NRXN3: variants seen among roughly 807,000 people sequenced by gnomAD.
NRXN3 encodes neurexin III.
In NRXN3, 32 loss-of-function variants were observed where a neutral mutation model predicts 137.6. That is an observed-to-expected ratio of 0.23 (90% CI 0.18 to 0.31). The LOEUF (loss-of-function observed/expected upper bound fraction) is 0.31, where lower values mean the gene tolerates loss of function less well. Among genes scored for constraint, NRXN3 ranks in the 10% least tolerant of loss-of-function variants. The pLI is 1.00. For synonymous variants in NRXN3, 798 were observed against 784.5 expected (o/e 1.02, Z -0.29); for missense variants, 1,574 against 2,062.5 (o/e 0.76, Z 4.59).
intron 4 of NRXN3, among the ~76,000 whole-genome samples, chr14:78,527,774 A>T (rs938033264): frequency 6.6e-6 from 1 of 152,212 alleles, no homozygotes; most frequent in Non-Finnish European, 1.5e-5. Context: ...CCTAATAGTG[A>T]CTGTGTTGAT....
chr14:78,839,118 A>C (rs560404532), intron 10 of NRXN3, among the ~76,000 whole-genome samples: 1 of 152,330 alleles, frequency 6.6e-6, no homozygotes, highest in Non-Finnish European at 1.5e-5. Context: ...ACTTGACTTC[A>C]TAAGAGCCAT....
intron 4 of NRXN3, among the ~76,000 whole-genome samples, chr14:78,349,018 T>A (rs1036047887): frequency 6.6e-6 from 1 of 152,188 alleles, no homozygotes; most frequent in Non-Finnish European, 1.5e-5. Flanking sequence ...AAATTAAAAA[T>A]TGTTAGTGAT....
chr14:79,030,227 C>A (rs2099605431), intron 15 of NRXN3, among the ~76,000 whole-genome samples: 1 of 151,628 alleles, frequency 6.6e-6, no homozygotes, highest in East Asian at 1.9e-4. Flanking sequence ...ATAGTAGATG[C>A]CAGTAGTAGC....
At chr14:78,948,608 T>A (rs1287123260) in intron 10 of NRXN3, among the ~76,000 whole-genome samples, 2 of 151,304 alleles carry the variant, frequency 1.3e-5, no homozygotes, top group Non-Finnish European at 2.9e-5. Flanking sequence ...CTCACTTTCA[T>A]TTACAATATA....
chr14:79,352,618 T>A (rs1008850310), intron 15 of NRXN3, among the ~76,000 whole-genome samples: 8 of 152,072 alleles, frequency 5.3e-5, no homozygotes, highest in Non-Finnish European at 1.2e-4. Context: ...TGGAAAGAAG[T>A]TTTAAAACAG....
At chr14:79,857,629 T>A (rs749820202) in intron 20 of NRXN3, among the ~76,000 whole-genome samples, 11 of 152,166 alleles carry the variant, frequency 7.2e-5, no homozygotes, top group Non-Finnish European at 1.3e-4. Context: ...TCATCTGCAA[T>A]CTTAAACATG....
chr14:79,305,974 T>G (rs760780291), intron 15 of NRXN3, among the ~76,000 whole-genome samples: 14 of 152,084 alleles, frequency 9.2e-5, no homozygotes, highest in South Asian at 4.1e-4. Flanking sequence ...TCAAGAACAA[T>G]ATATTTGTTT....
chr14:79,577,925 C>T (rs944832630), intron 16 of NRXN3, among the ~76,000 whole-genome samples: 49 of 152,144 alleles, frequency 3.2e-4, no homozygotes, highest in African/African-American at 1.1e-3. Context: ...AAGTGTCTTT[C>T]CTTACTTGGG....
chr14:79,519,746 G>GAAAATGTGTAC (rs1244223319), intron 16 of NRXN3, among the ~76,000 whole-genome samples: 4 of 146,548 alleles, frequency 2.7e-5, no homozygotes, highest in Admixed American at 2.7e-4. Flanking sequence ...ACTGTGATCA[G>GAAAATGTGTAC]AAAATGTGTA....
In NRXN3 at chr14:79,867,435, G is replaced by C. The variant is rs2099418497; in HGVS notation, c.*5471G>C. The C allele has an allele frequency of 6.6e-6, 1 of 152,184 alleles. No individual in the cohort carries two copies. The highest frequency in any genetic ancestry group is 1.5e-5 in the Non-Finnish European group (1 of 68,030). 9.4% of individuals were successfully genotyped at this position (152,184 alleles called of 1,614,324 possible). On this transcript the variant is annotated 3_prime_UTR_variant, in exon 21 of 21. Transcript: ENST00000335750. ...TCTCTTCCTGGCTTGTAGATAATAA[G>C]CTACCTTCTCACTATGTACTCACAG... is the stretch of plus-strand genomic sequence containing the variant.
At chr14:79,012,767 C>T (rs2099573237) in intron 15 of NRXN3, among the ~76,000 whole-genome samples, 1 of 152,092 alleles carries the variant, frequency 6.6e-6, no homozygotes, top group Admixed American at 6.5e-5. Flanking sequence ...CCTTCTGGAG[C>T]TTTCCATGCG....
At chr14:78,949,752 G>A (rs894501401) in intron 10 of NRXN3, among the ~76,000 whole-genome samples, 1 of 151,952 alleles carries the variant, frequency 6.6e-6, no homozygotes, top group African/African-American at 2.4e-5. Flanking sequence ...AGTAATAGAG[G>A]GAGACAAATG....
At chr14:79,857,489 T>C (rs1180767753) in intron 20 of NRXN3, among the ~76,000 whole-genome samples, 1 of 152,214 alleles carries the variant, frequency 6.6e-6, no homozygotes, top group Non-Finnish European at 1.5e-5. Context: ...CCCAAAGTGC[T>C]GGGATTACAG....
Position 79,805,131 on chromosome 14 carries a change from T to C in NRXN3, c.4034T>C (p.Val1345Ala). 2 of 1,612,840 alleles carry C rather than the reference T, an allele frequency of 1.2e-6. No individual in the cohort carries two copies. The highest frequency in any genetic ancestry group is 8.5e-7 in the Non-Finnish European group (1 of 1,179,102). ...ASIQPTSDDL[V>A]SSAECSSDDE... The stretch of plus-strand genomic sequence containing the variant: ...AAACAGCCAACATCAGATGATCTTG[T>C]TTCATCTGCTGAATGTTCAAGTGAT... Residue 1345 changes from valine (V) to alanine (A), a missense_variant, in exon 20 of 21, where the codon GTT (valine) becomes GCT (alanine). Val to Ala is a moderately conservative substitution (Grantham distance 64). Transcript: ENST00000335750.
chr14:79,405,858 C>G (rs1327293985), intron 15 of NRXN3, among the ~76,000 whole-genome samples: 1 of 152,072 alleles, frequency 6.6e-6, no homozygotes, highest in African/African-American at 2.4e-5. Flanking sequence ...AATCCAGGAC[C>G]TTAGTACTCA....
rs544478512 is a variant in NRXN3 at position 78,173,798 on chromosome 14, G to A, written c.-704+3124G>A. ...AGCCTTCTGATAGGAGGGCAAAGTC[G>A]GCACATCCACACACACACTGGCATA... On this transcript the variant is annotated intron_variant, in intron 1 of 20. Coordinates refer to ENST00000335750, the MANE Select transcript of NRXN3 (RefSeq NM_001330195.2). 2.9e-4 allele frequency among the ~76,000 whole-genome samples: 37 copies of A among 127,120 alleles called. No individual in the cohort carries two copies. In the East Asian group the frequency reaches 5.4e-3, roughly 19 times the overall value. 83.4% of individuals were successfully genotyped at this position (127,120 alleles called of 152,430 possible). A position where few individuals can be genotyped will look rare whatever the true frequency, so the allele number is the denominator to read the frequency against.
intron 15 of NRXN3, among the ~76,000 whole-genome samples, chr14:79,376,038 A>G (rs1000692785): frequency 6.4e-5 from 9 of 140,394 alleles, no homozygotes; most frequent in East Asian, 6.0e-4. Flanking sequence ...ATACTTATAT[A>G]TAAGTGTATA....
Position 79,102,687 on chromosome 14 carries a change from A to G in NRXN3, c.3262+114546A>G, listed in dbSNP as rs1045408327. Among the ~76,000 whole-genome samples, 40 of 152,316 alleles carry G rather than the reference A, an allele frequency of 2.6e-4. 1 individual carries two copies. The highest frequency in any genetic ancestry group is 2.2e-3 in the Admixed American group (34 of 15,280). ...ATAAGGCAAAAGGAGTGGTGGTGTC[A>G]TAAAAATCTTTACCTCTAAGGGTTA... On this transcript the variant is annotated intron_variant, in intron 15 of 20. Coordinates refer to ENST00000335750, the MANE Select transcript of NRXN3 (RefSeq NM_001330195.2).
At chr14:79,413,041 A>T (rs2095442125) in intron 15 of NRXN3, among the ~76,000 whole-genome samples, 1 of 152,138 alleles carries the variant, frequency 6.6e-6, no homozygotes. Flanking sequence ...CCCTTCATAT[A>T]ATGTCCCAAT....
Sources: allele counts gnomAD v4.1 joint callset (sites outside exome capture counted in the v4.1 genomes callset), GRCh38; gene constraint gnomAD v4.1.1; transcripts MANE v1.5; gene names NCBI Gene and HGNC (gene_info 2026-07-23, HGNC 2026-07-21).